Variants in TTC39C observed in about 807,000 individuals in gnomAD.
TTC39C encodes the protein tetratricopeptide repeat domain 39C, also known as tetratricopeptide repeat protein 39C.
A neutral mutation model predicts 76.3 loss-of-function variants in TTC39C; 33 were observed. That is an observed-to-expected ratio of 0.43 (90% confidence interval 0.33 to 0.58). The LOEUF is 0.58. Among genes scored for constraint, TTC39C ranks in the 20% least tolerant of loss-of-function variants. TTC39C has a pLI of 0.04. For synonymous variants in TTC39C, 254 were observed against 260.6 expected (o/e 0.97, Z 0.24); for missense variants, 595 against 701.4 (o/e 0.85, Z 1.71).
At position 24,063,614 on chromosome 18, in the gene TTC39C, G is replaced by T. The variant is rs2084128304; in HGVS notation, c.168-526G>T. 2.0e-5 allele frequency among the ~76,000 whole-genome samples: 3 copies of T among 149,620 alleles called. No individual in the cohort carries two copies. In the Admixed American group the frequency reaches 2.0e-4, roughly 10 times the overall value. On this transcript the variant is annotated intron_variant, in intron 1 of 13. Transcript: ENST00000317571. ...TGCAACCTCCACCTCTTGGATTCAC[G>T]CAATTGTCCCTGCCTCAGGCTCCCC...
At chr18:24,043,751 C>T (rs1386849660) in intron 1 of TTC39C, among the ~76,000 whole-genome samples, 1 of 152,180 alleles carries the variant, frequency 6.6e-6, no homozygotes, top group Non-Finnish European at 1.5e-5. Context: ...CCATAAAGTC[C>T]CTGAGCAAAG....
intron 1 of TTC39C, among the ~76,000 whole-genome samples, chr18:24,047,523 C>T (rs774062763): frequency 9.2e-5 from 14 of 152,102 alleles, no homozygotes; most frequent in Non-Finnish European, 1.6e-4. Flanking sequence ...AGATGTCATT[C>T]TTAGACTATT....
chr18:24,052,490 A>G (rs7233872), intron 1 of TTC39C, among the ~76,000 whole-genome samples: 4,221 of 152,252 alleles, frequency 0.028, 225 homozygotes, highest in African/African-American at 0.097. Context: ...ACTGAGGAAT[A>G]TTATCCAGTC....
intron 1 of TTC39C, among the ~76,000 whole-genome samples, chr18:24,045,113 A>G (rs1380623304): frequency 4.6e-5 from 7 of 152,084 alleles, no homozygotes; most frequent in Non-Finnish European, 1.5e-5. Context: ...TACTAAAAAT[A>G]CAAAAATTAG....
chr18:24,090,198 C>G (rs972190459), intron 6 of TTC39C, among the ~76,000 whole-genome samples: 3 of 152,068 alleles, frequency 2.0e-5, no homozygotes, highest in Admixed American at 6.6e-5. Context: ...AATGTGATAG[C>G]AAGTACTGCA....
intron 6 of TTC39C, among the ~76,000 whole-genome samples, chr18:24,094,654 G>A (rs564335445): frequency 1.6e-4 from 24 of 152,292 alleles, no homozygotes; most frequent in African/African-American, 5.8e-4. Context: ...AGAGCTCTTG[G>A]GTGGCCACAT....
chr18:24,057,969 A>G (rs2084038102), intron 1 of TTC39C, among the ~76,000 whole-genome samples: 1 of 152,260 alleles, frequency 6.6e-6, no homozygotes, highest in Non-Finnish European at 1.5e-5. Flanking sequence ...ACTGTGGAAT[A>G]CTATGCAGCC....
chr18:24,033,850 T>C (rs2083703079), intron 1 of TTC39C, among the ~76,000 whole-genome samples: 1 of 152,208 alleles, frequency 6.6e-6, no homozygotes, highest in Non-Finnish European at 1.5e-5. Flanking sequence ...TGTCCTTGTG[T>C]TGCTTCCTTC....
At chr18:24,120,995 G>A (rs2084960664) in intron 8 of TTC39C, 1 of 152,158 alleles carries the variant, frequency 6.6e-6, no homozygotes, top group Non-Finnish European at 1.5e-5. Flanking sequence ...TGCTTACCTG[G>A]AACATTGGTA....
At chr18:24,112,365 G>A (rs898495851) in intron 6 of TTC39C, among the ~76,000 whole-genome samples, 1 of 152,180 alleles carries the variant, frequency 6.6e-6, no homozygotes, top group African/African-American at 2.4e-5. Flanking sequence ...AGGCAGTTGG[G>A]CAGAATTTTG....
At chr18:24,110,065 A>T (rs903259457) in intron 6 of TTC39C, among the ~76,000 whole-genome samples, 1 of 152,158 alleles carries the variant, frequency 6.6e-6, no homozygotes, top group Non-Finnish European at 1.5e-5. Context: ...CAACATTATA[A>T]TTTTAAAATG....
At chr18:24,060,793 C>G (rs1599285820) in intron 1 of TTC39C, among the ~76,000 whole-genome samples, 1 of 152,284 alleles carries the variant, frequency 6.6e-6, no homozygotes, top group East Asian at 1.9e-4. Flanking sequence ...CTTAGCATAA[C>G]AGTACCCATT....
intron 1 of TTC39C, among the ~76,000 whole-genome samples, chr18:24,043,984 T>A (rs1048859450): frequency 2.0e-5 from 3 of 152,128 alleles, no homozygotes; most frequent in Non-Finnish European, 4.4e-5. Flanking sequence ...GCGGATTGGA[T>A]TTTTCACCTA....
intron 4 of TTC39C, among the ~76,000 whole-genome samples, chr18:24,070,661 T>G (rs1599295757): frequency 6.6e-6 from 1 of 152,146 alleles, no homozygotes; most frequent in East Asian, 1.9e-4. Context: ...CTGGCCAACA[T>G]GGTGAAACCC....
intron 1 of TTC39C, among the ~76,000 whole-genome samples, chr18:24,052,381 G>A (rs2083961613): frequency 6.6e-6 from 1 of 152,098 alleles, no homozygotes; most frequent in Admixed American, 6.6e-5. Context: ...TTGGTGTTCA[G>A]CAAACATGTC....
At chr18:23,997,293 G>A (rs977432792) in intron 1 of TTC39C, among the ~76,000 whole-genome samples, 3 of 152,060 alleles carry the variant, frequency 2.0e-5, no homozygotes, top group Admixed American at 1.3e-4. Flanking sequence ...GCTCATGCCC[G>A]TAATCCCAGC....
intron 1 of TTC39C, among the ~76,000 whole-genome samples, chr18:23,999,851 T>A (rs1467339761): frequency 6.6e-6 from 1 of 152,270 alleles, no homozygotes; most frequent in Non-Finnish European, 1.5e-5. Context: ...GTTCCCTTCC[T>A]GATTCTAATG....
rs2085110468 is a variant in TTC39C, at chr18:24,130,407, A to G, written c.1613A>G (p.Asp538Gly). 2 of 1,498,484 alleles carry G rather than the reference A, an allele frequency of 1.3e-6. No individual in the cohort carries two copies. Among genetic ancestry groups the G allele is most frequent in the Non-Finnish European group, 1.8e-6 (2 of 1,105,178 alleles). The allele number at this position is 1,498,484 out of a possible 1,614,324, so 92.8% of individuals were successfully genotyped here. A position where few individuals can be genotyped will look rare whatever the true frequency, so the allele number is the denominator to read the frequency against. The stretch of plus-strand genomic sequence containing the variant: ...TATGAACTTGGCTGTCTTCTATTAG[A>G]CAAACCAGAGGTAAGATCTTATATA... Reference protein sequence around the residue: ...ACYELGCLLLDKPETVGRGRA... With the variant: ...ACYELGCLLLGKPETVGRGRA... Residue 538 changes from aspartate (D) to glycine (G), a missense_variant, in exon 12 of 14, where the codon GAC becomes GGC. Coordinates refer to ENST00000317571, the MANE Select transcript of TTC39C (RefSeq NM_001135993.2).
intron 1 of TTC39C, among the ~76,000 whole-genome samples, chr18:23,996,832 G>A (rs775787494): frequency 2.6e-5 from 4 of 152,186 alleles, no homozygotes; most frequent in Non-Finnish European, 1.5e-5. Flanking sequence ...TCAGTTGGCC[G>A]GGCACAGTGG....
Sources: allele counts gnomAD v4.1 joint callset (sites outside exome capture counted in the v4.1 genomes callset), GRCh38; gene constraint gnomAD v4.1.1; transcripts MANE v1.5; gene names NCBI Gene and HGNC (gene_info 2026-07-23, HGNC 2026-07-21).